Variants in RBM47 observed in about 807,000 individuals in gnomAD.
The protein encoded by RBM47 is RNA-binding protein 47.
RBM47 carries 21 observed loss-of-function variants against 47.1 expected under a neutral mutation model. The ratio of observed to expected loss-of-function variants is 0.45; its 90% CI spans 0.32 to 0.64. The LOEUF is 0.64. Ranked by LOEUF, RBM47 falls within the 30% of genes least tolerant of loss-of-function variation. The probability of loss-of-function intolerance (pLI) is 0.05; values close to 1 mark genes in which losing one functional copy is unlikely to be tolerated. For missense variants in RBM47, 708 were observed against 870.9 expected, an observed-to-expected ratio of 0.81 and a Z score of 2.35; for synonymous variants, 375 against 361.7, an observed-to-expected ratio of 1.04 and a Z score of -0.42.
chr4:40,594,122 G>A (rs1037822976), intron 1 of RBM47, among the ~76,000 whole-genome samples: 1 of 151,600 alleles, frequency 6.6e-6, no homozygotes. Flanking sequence ...CCCCACCCCC[G>A]CTTCCACCCA....
intron 1 of RBM47, among the ~76,000 whole-genome samples, chr4:40,605,522 A>G (rs1735681244): frequency 6.6e-6 from 1 of 152,112 alleles, no homozygotes; most frequent in Non-Finnish European, 1.5e-5. Context: ...GATAATTTAT[A>G]TGCATATTAG....
chr4:40,520,159 C>T (rs1337921476), intron 2 of RBM47, among the ~76,000 whole-genome samples: 2 of 152,062 alleles, frequency 1.3e-5, no homozygotes, highest in East Asian at 1.9e-4. Context: ...TGACTTTAAA[C>T]CCTGTAGGTT....
At chr4:40,599,956 C>A (rs562830667) in intron 1 of RBM47, among the ~76,000 whole-genome samples, 1 of 152,030 alleles carries the variant, frequency 6.6e-6, no homozygotes, top group Non-Finnish European at 1.5e-5. Flanking sequence ...CACTAATATA[C>A]CCCTACACTT....
At position 40,425,673 on chromosome 4, in the gene RBM47, C is replaced by A; in HGVS notation, c.*231G>T. 1.9e-6 allele frequency: 1 copy of A among 521,950 alleles called. No individual in the cohort carries two copies. The highest frequency in any genetic ancestry group is 3.3e-6 in the Non-Finnish European group (1 of 306,668). 32.3% of individuals were successfully genotyped at this position (521,950 alleles called of 1,614,324 possible). On this transcript the variant is annotated 3_prime_UTR_variant, in exon 7 of 7. Coordinates refer to ENST00000295971, the MANE Select transcript of RBM47 (RefSeq NM_001098634.2). The stretch of plus-strand genomic sequence containing the variant: ...AAATTTTTAAAAGATGGAATGAAGG[C>A]ACGAACCATTGCAAGTCTTTTGGAA...
chr4:40,579,203 A>T (rs1217119972), intron 1 of RBM47, among the ~76,000 whole-genome samples: 3 of 151,810 alleles, frequency 2.0e-5, no homozygotes, highest in Non-Finnish European at 4.4e-5. Flanking sequence ...CTGGCGGATC[A>T]CGAGGTCAGG....
intron 1 of RBM47, among the ~76,000 whole-genome samples, chr4:40,605,854 G>A (rs1735712830): frequency 1.3e-5 from 2 of 151,348 alleles, no homozygotes; most frequent in East Asian, 2.0e-4. Context: ...AGAAAAATAC[G>A]GGTTTTCCAT....
chr4:40,468,252 A>G (rs1274009753), intron 2 of RBM47, among the ~76,000 whole-genome samples: 1 of 152,276 alleles, frequency 6.6e-6, no homozygotes, highest in Non-Finnish European at 1.5e-5. Context: ...GTGCCACTGC[A>G]CTCCAGCCTG....
intron 1 of RBM47, among the ~76,000 whole-genome samples, chr4:40,599,257 CAAA>C (rs11445088): frequency 7.8e-6 from 1 of 128,058 alleles, no homozygotes. Flanking sequence ...GACTCCGTCT[CAAA>C]AAAAAAAAAA....
chr4:40,545,686 T>TAAATAAATAAAC (rs1470574254), intron 1 of RBM47, among the ~76,000 whole-genome samples: 1 of 149,502 alleles, frequency 6.7e-6, no homozygotes, highest in Non-Finnish European at 1.5e-5. Context: ...AATAAATAAA[T>TAAATAAATAAAC]AAATAAATAA....
chr4:40,587,669 T>C (rs191708038), intron 1 of RBM47, among the ~76,000 whole-genome samples: 1 of 152,288 alleles, frequency 6.6e-6, no homozygotes, highest in Admixed American at 6.5e-5. Flanking sequence ...GCACTTTCCT[T>C]AACCCTCCTG....
intron 1 of RBM47, among the ~76,000 whole-genome samples, chr4:40,581,881 CCA>C (rs537654591): frequency 9.2e-5 from 14 of 152,204 alleles, no homozygotes; most frequent in African/African-American, 3.1e-4. Flanking sequence ...CCTCCCTCCT[CCA>C]CTCTGTGAGC....
At chr4:40,508,482 G>A (rs1003904286) in intron 2 of RBM47, among the ~76,000 whole-genome samples, 1 of 152,162 alleles carries the variant, frequency 6.6e-6, no homozygotes, top group Non-Finnish European at 1.5e-5. Context: ...AATGCTCTGC[G>A]TTGTGGTCTG....
chr4:40,528,949 AAAATAAATAAATAAATAAAT>A (rs1553896750), intron 2 of RBM47, among the ~76,000 whole-genome samples: 2 of 88,596 alleles, frequency 2.3e-5, no homozygotes, highest in South Asian at 6.5e-4. Flanking sequence ...TCTCAAAAAA[AAAATAAATAAATAAATAAAT>A]AAATAAATAA....
At chr4:40,586,922 C>T (rs1027694214) in intron 1 of RBM47, among the ~76,000 whole-genome samples, 17 of 152,244 alleles carry the variant, frequency 1.1e-4, no homozygotes, top group African/African-American at 4.1e-4. Context: ...GCATTTCAGA[C>T]AACGGCATGA....
intron 2 of RBM47, among the ~76,000 whole-genome samples, chr4:40,512,332 T>G (rs1230628961): frequency 1.3e-5 from 2 of 149,964 alleles, no homozygotes; most frequent in African/African-American, 4.9e-5. Context: ...GAGAATCTCT[T>G]GAACCTGGGA....
At chr4:40,556,544 AT>A (rs1256865871) in intron 1 of RBM47, among the ~76,000 whole-genome samples, 1 of 152,028 alleles carries the variant, frequency 6.6e-6, no homozygotes, top group Non-Finnish European at 1.5e-5. Flanking sequence ...ATTACTTTTA[AT>A]GGCAAAAACC....
At chr4:40,556,326 C>T (rs552487817) in intron 1 of RBM47, among the ~76,000 whole-genome samples, 8 of 151,838 alleles carry the variant, frequency 5.3e-5, no homozygotes, top group Non-Finnish European at 1.2e-4. Context: ...TGAGCCACTG[C>T]ACCCAGCCTA....
intron 1 of RBM47, among the ~76,000 whole-genome samples, chr4:40,589,495 G>C (rs1733924198): frequency 6.6e-6 from 1 of 151,880 alleles, no homozygotes; most frequent in African/African-American, 2.4e-5. Context: ...GGAGTGCAGT[G>C]GCACAATCTC....
At chr4:40,553,838 C>A (rs1729807915) in intron 1 of RBM47, among the ~76,000 whole-genome samples, 1 of 152,182 alleles carries the variant, frequency 6.6e-6, no homozygotes, top group Admixed American at 6.5e-5. Flanking sequence ...ATGTCCTTTA[C>A]TTGAATTCAG....
Sources: gnomAD v4.1 joint callset for allele counts (sites outside exome capture counted in the v4.1 genomes callset) on GRCh38, gnomAD v4.1.1 for gene constraint, MANE v1.5 for transcripts, NCBI Gene and HGNC (gene_info 2026-07-23, HGNC 2026-07-21) for gene names.